The following UNC80 variants were observed in gnomAD, a reference collection of about 807,000 sequenced individuals.
UNC80 encodes the protein protein unc-80 homolog.
Under a neutral mutation model 384.6 loss-of-function variants are expected in UNC80, and 164 were observed. The observed-to-expected ratio is 0.43, with a 90% CI of 0.38 to 0.49. UNC80 has a LOEUF of 0.49. UNC80 is among the 20% of genes least tolerant of loss of function. UNC80 has a pLI of 0.00. For synonymous variants in UNC80, 1,486 were observed against 1,527.8 expected (o/e 0.97, Z 0.64); for missense variants, 3,330 against 4,143.0 (o/e 0.80, Z 5.39).
intron 4 of UNC80, among the ~76,000 whole-genome samples, chr2:209,780,393 C>T (rs1274402441): frequency 2.6e-5 from 4 of 152,044 alleles, no homozygotes; most frequent in African/African-American, 9.7e-5. Context: ...AAGCATTGTT[C>T]TTGAAGCTGT....
At position 209,937,539 on chromosome 2, in the gene UNC80, G is replaced by A. The variant is rs1282323756; in HGVS notation, c.6374G>A (p.Arg2125Gln). The A allele has an allele frequency of 1.2e-5, 19 of 1,550,310 alleles. No individual in the cohort carries two copies. The highest frequency in any genetic ancestry group is 2.0e-5 in the Admixed American group (1 of 50,944). ...ATGTAATCCACACAGACCTATGTTC[G>A]AGATATTTATCCTTTCCGGAGGTCA... ...NLIHYNKTYV[R>Q]DIYPFRRSVS... is the part of the protein sequence containing the mutation. Residue 2125 changes from arginine (R) to glutamine (Q), a missense_variant, in exon 42 of 65, where the codon CGA (arginine) becomes CAA (glutamine). Physicochemically the swap from Arg to Gln is conservative, Grantham distance 43. Coordinates refer to ENST00000673920, the MANE Select transcript of UNC80 (RefSeq NM_001371986.1).
rs2093021856 is a variant in UNC80 at position 209,976,662 on chromosome 2, A to C, written c.8773-251A>C. On this transcript the variant is annotated intron_variant, in intron 57 of 64. Coordinates refer to ENST00000673920, the MANE Select transcript of UNC80 (RefSeq NM_001371986.1). This position sits in a 1 kb window ranked among gnomAD's most constrained non-coding sequence, Gnocchi z 4.3. ...TTTTAAATAAACATAAGAAAAACAT[A>C]GGATACTTAACGTATGTTTTTCCTC... 6.6e-6 allele frequency among the ~76,000 whole-genome samples: 1 copy of C among 152,152 alleles called. No individual in the cohort carries two copies. The highest frequency in any genetic ancestry group is 6.5e-5 in the Admixed American group (1 of 15,274).
At chr2:209,991,529 C>T (rs1214498155) in intron 61 of UNC80, among the ~76,000 whole-genome samples, 1 of 152,072 alleles carries the variant, frequency 6.6e-6, no homozygotes, top group Non-Finnish European at 1.5e-5. Context: ...TGCAGTTACT[C>T]GATTTTAAAG....
chr2:209,974,927 A>ATTTG (rs781686424), intron 56 of UNC80, among the ~76,000 whole-genome samples: 4 of 151,960 alleles, frequency 2.6e-5, no homozygotes, highest in Admixed American at 6.6e-5. Context: ...GTTGTTTTTT[A>ATTTG]TTTGTTTGTT....
intron 41 of UNC80, among the ~76,000 whole-genome samples, chr2:209,937,224 T>C (rs1157634253): frequency 6.6e-6 from 1 of 152,228 alleles, no homozygotes; most frequent in Admixed American, 6.5e-5. Context: ...CATTATTACA[T>C]GAAAAATTAC....
At chr2:209,874,124 T>C (rs983910834) in intron 23 of UNC80, among the ~76,000 whole-genome samples, 1 of 152,328 alleles carries the variant, frequency 6.6e-6, no homozygotes, top group Middle Eastern at 3.4e-3. Context: ...GTAATATCTA[T>C]TTTTGTAAAT....
chr2:209,809,325 C>T (rs1383886112), intron 7 of UNC80: 7 of 781,780 alleles, frequency 9.0e-6, no homozygotes, highest in Non-Finnish European at 1.4e-5. Flanking sequence ...CGCTGCCCTT[C>T]GCCTGCGAAA....
intron 8 of UNC80, 43 bp from the exon 9 acceptor site, chr2:209,815,214 A>T (rs2153827409): frequency 1.3e-6 from 2 of 1,534,578 alleles, no homozygotes; most frequent in Non-Finnish European, 1.8e-6. Flanking sequence ...CAGTATTTGG[A>T]TGTAAAGTCC....
At position 209,794,153 on chromosome 2, in the gene UNC80, T is replaced by C. The variant is rs868843015; in HGVS notation, c.938+294T>C. Among the ~76,000 whole-genome samples, 6 of 152,212 alleles carry C rather than the reference T, an allele frequency of 3.9e-5. No homozygotes were observed. In the South Asian group the frequency reaches 6.2e-4, roughly 16 times the overall value. On this transcript the variant is annotated intron_variant, in intron 7 of 64. Coordinates refer to ENST00000673920, the MANE Select transcript of UNC80 (RefSeq NM_001371986.1). ...CTCAAATGATGCTATCAGAAGATTA[T>C]GTTGCAGAGATGTTAAAGGATCTGT...
At chr2:209,802,647 C>T (rs1159933222) in intron 7 of UNC80, among the ~76,000 whole-genome samples, 1 of 152,038 alleles carries the variant, frequency 6.6e-6, no homozygotes, top group Admixed American at 6.5e-5. Flanking sequence ...ATTTGTTTTT[C>T]TGTAGTTTCT....
intron 38 of UNC80, 117 bp downstream of exon 38, chr2:209,931,171 T>C: frequency 1.4e-6 from 1 of 709,598 alleles, no homozygotes; most frequent in Admixed American, 2.7e-5. Flanking sequence ...CCTGGTCAAC[T>C]AAATTCTGTG....
chr2:209,866,527 CACACACAGAG>C (rs2083825148), intron 22 of UNC80, among the ~76,000 whole-genome samples: 113 of 90,980 alleles, frequency 1.2e-3, no homozygotes, highest in African/African-American at 4.6e-3. Context: ...CACACACACA[CACACACAGAG>C]AGAGAGAGAG....
chr2:209,982,742 G>A (rs1315141770), intron 60 of UNC80: 1 of 152,246 alleles, frequency 6.6e-6, no homozygotes, highest in Non-Finnish European at 1.5e-5. Context: ...AGCAGAAAAG[G>A]ATCTATGCCA....
chr2:209,865,527 G>C (rs1025865318), intron 22 of UNC80, among the ~76,000 whole-genome samples: 10 of 151,474 alleles, frequency 6.6e-5, no homozygotes, highest in Admixed American at 2.6e-4. Context: ...GCGTGAACCC[G>C]GGAGGCGGAG....
At chr2:209,822,530 A>G (rs1204137269) in intron 13 of UNC80, among the ~76,000 whole-genome samples, 1 of 152,140 alleles carries the variant, frequency 6.6e-6, no homozygotes, top group Non-Finnish European at 1.5e-5. Flanking sequence ...TGTTTTGCCC[A>G]TTATAATATT....
At chr2:209,965,476 T>G (rs1037223520) in intron 51 of UNC80, among the ~76,000 whole-genome samples, 1 of 151,992 alleles carries the variant, frequency 6.6e-6, no homozygotes, top group Non-Finnish European at 1.5e-5. Context: ...TTTTTGTTTT[T>G]TTTTTTTTAG....
intron 22 of UNC80, among the ~76,000 whole-genome samples, chr2:209,866,531 C>CACACAT (rs1553557011): frequency 1.6e-5 from 2 of 122,028 alleles, no homozygotes; most frequent in Non-Finnish European, 3.3e-5. Flanking sequence ...CACACACACA[C>CACACAT]ACAGAGAGAG....
At chr2:209,777,997 C>A (rs2076959691) in intron 4 of UNC80, among the ~76,000 whole-genome samples, 1 of 152,190 alleles carries the variant, frequency 6.6e-6, no homozygotes, top group African/African-American at 2.4e-5. Context: ...CAAAATGCAA[C>A]TTTAATATCA....
chr2:209,926,913 A>G lies in UNC80; in HGVS notation c.5733A>G (p.Ala1911=), dbSNP rs1168728124. 1.4e-5 allele frequency: 22 copies of G among 1,552,280 alleles called. No homozygotes were observed. The highest frequency in any genetic ancestry group is 2.0e-5 in the Admixed American group (1 of 51,008). Residue 1911 remains alanine, a synonymous_variant, in exon 36 of 65, where the codon GCA becomes GCG. Transcript: ENST00000673920. ...AGCCCCCACAAGCAGTGTTCCCAGCATGCATCTGTGCAGCAGTACTTCCCA... is the reference window on the plus strand; with the variant it reads ...AGCCCCCACAAGCAGTGTTCCCAGCGTGCATCTGTGCAGCAGTACTTCCCA... ...VPQPPQAVFP[A]CICAAVLPIV...
Sources: gnomAD v4.1 joint callset for allele counts (sites outside exome capture counted in the v4.1 genomes callset) on GRCh38, gnomAD v4.1.1 for gene constraint, Gnocchi (gnomAD v3.1) non-coding constraint, MANE v1.5 for transcripts, NCBI Gene and HGNC (gene_info 2026-07-23, HGNC 2026-07-21) for gene names.